CSGALNACT1: variants seen among roughly 807,000 people sequenced by gnomAD.
CSGALNACT1 encodes beta4GalNAcT-1.
Under a neutral mutation model 51.0 loss-of-function variants are expected in CSGALNACT1, and 52 were observed. The ratio of observed to expected loss-of-function variants is 1.02; its 90% CI spans 0.82 to 1.29. The LOEUF (loss-of-function observed/expected upper bound fraction) is 1.29. Among genes scored for constraint, CSGALNACT1 ranks in the 50% most tolerant of loss-of-function variants. CSGALNACT1 has a pLI of 0.00. For missense variants in CSGALNACT1, 935 were observed against 679.2 expected, an observed-to-expected ratio of 1.38 and a Z score of -4.19; for synonymous variants, 341 against 254.4, an observed-to-expected ratio of 1.34 and a Z score of -3.24.
chr8:19,440,939 G>A (rs1318741268), intron 5 of CSGALNACT1, among the ~76,000 whole-genome samples: 1 of 152,196 alleles, frequency 6.6e-6, no homozygotes, highest in Non-Finnish European at 1.5e-5. Flanking sequence ...CAAACAGAGA[G>A]CCCAATCATG....
At chr8:19,705,091 A>G (rs761655262) in intron 1 of CSGALNACT1, among the ~76,000 whole-genome samples, 1 of 151,996 alleles carries the variant, frequency 6.6e-6, no homozygotes, top group African/African-American at 2.4e-5. Flanking sequence ...TTGCACCACA[A>G]AAAGGTACTA....
At chr8:19,598,777 T>C (rs2049549048) in intron 2 of CSGALNACT1, among the ~76,000 whole-genome samples, 1 of 152,132 alleles carries the variant, frequency 6.6e-6, no homozygotes. Flanking sequence ...CAAACAATAA[T>C]GACAATGCAA....
At chr8:19,441,481 C>T (rs372250555) in intron 5 of CSGALNACT1, among the ~76,000 whole-genome samples, 18 of 151,902 alleles carry the variant, frequency 1.2e-4, no homozygotes, top group South Asian at 2.1e-4. Flanking sequence ...GGATTCCCTA[C>T]TTAATAAATG....
chr8:19,576,055 G>A (rs541933241), intron 3 of CSGALNACT1, among the ~76,000 whole-genome samples: 4 of 152,088 alleles, frequency 2.6e-5, no homozygotes, highest in South Asian at 4.2e-4. Context: ...GCCGAGAGAC[G>A]GGAGTGGGTG....
intron 4 of CSGALNACT1, among the ~76,000 whole-genome samples, chr8:19,490,334 C>T (rs2074079538): frequency 6.6e-6 from 1 of 152,044 alleles, no homozygotes; most frequent in South Asian, 2.1e-4. Flanking sequence ...AAGAGAGAGA[C>T]AGGTTTAAAA....
intron 5 of CSGALNACT1, among the ~76,000 whole-genome samples, chr8:19,450,509 C>G (rs189028370): frequency 3.9e-5 from 6 of 152,056 alleles, no homozygotes; most frequent in Admixed American, 2.6e-4. Context: ...AGAAACTTCA[C>G]GTGAAGCCTG....
chr8:19,538,065 C>A (rs1044980595), intron 3 of CSGALNACT1, among the ~76,000 whole-genome samples: 3 of 152,144 alleles, frequency 2.0e-5, no homozygotes, highest in Non-Finnish European at 4.4e-5. Context: ...TACCTCTAAT[C>A]CCAGTGTTTT....
At chr8:19,501,844 GACAA>G (rs1355554566) in intron 4 of CSGALNACT1, among the ~76,000 whole-genome samples, 4 of 152,168 alleles carry the variant, frequency 2.6e-5, no homozygotes, top group Non-Finnish European at 5.9e-5. Flanking sequence ...GTGTACTTGA[GACAA>G]ACAGTGAAGC....
Position 19,738,363 on chromosome 8 carries a change from AT to A in CSGALNACT1, c.-297+19486del, listed in dbSNP as rs201059144. 3.3e-4 allele frequency among the ~76,000 whole-genome samples: 51 copies of A among 152,368 alleles called. No individual in the cohort carries two copies. In the East Asian group the frequency reaches 7.3e-3, roughly 22 times the overall value. ...CCTTGAAGACATTACAGTAAGTGAA[AT>A]AAACCATTCACAAAAGGACAAATCA... On this transcript the variant is annotated intron_variant, in intron 1 of 1. Coordinates refer to the CSGALNACT1 transcript ENST00000517494.
chr8:19,532,171 TA>T lies in CSGALNACT1; in HGVS notation c.-296-26042del, dbSNP rs113232417. On this transcript the variant is annotated intron_variant, in intron 3 of 9. Transcript: ENST00000454498. ...CTCAACAAGTTTAGCTTTTGGAAAT[TA>T]AAAAAAAAAAACATGTTTGTTTGCA... is the stretch of plus-strand genomic sequence containing the variant. Among the ~76,000 whole-genome samples the T allele has an allele frequency of 7.1e-4, 105 of 147,740 alleles. 1 individual carries two copies. Among genetic ancestry groups the T allele is most frequent in the East Asian group, 1.8e-3 (9 of 5,030 alleles).
chr8:19,447,800 G>A (rs148054930), intron 5 of CSGALNACT1, among the ~76,000 whole-genome samples: 2 of 152,338 alleles, frequency 1.3e-5, no homozygotes, highest in African/African-American at 4.8e-5. Flanking sequence ...GGTGGGTCCT[G>A]TTCTCCAACC....
In CSGALNACT1 at chr8:19,610,134, A is replaced by G. The variant is rs147818509; in HGVS notation, c.-543-8269T>C. Among the ~76,000 whole-genome samples, 1,440 of 151,552 alleles carry G rather than the reference A, an allele frequency of 9.5e-3. 18 individuals carry two copies. Among genetic ancestry groups the G allele is most frequent in the African/African-American group, 0.033 (1,345 of 41,052 alleles). On this transcript the variant is annotated intron_variant, in intron 1 of 9. Transcript: ENST00000332246. ...CTAAAACCCCGTCTCTACTAAAAAT[A>G]CAAAAATTAGCCAGGCGTGGTTGCG...
At chr8:19,730,535 A>G (rs542795938) in intron 1 of CSGALNACT1, among the ~76,000 whole-genome samples, 1 of 152,324 alleles carries the variant, frequency 6.6e-6, no homozygotes, top group African/African-American at 2.4e-5. Context: ...AATGTACTTA[A>G]GGATAAGCAA....
rs1009092236 is a variant in CSGALNACT1 at position 19,625,629 on chromosome 8, TGACTCTATACTATAGCG to T, written c.-543-23781_-543-23765del. On this transcript the variant is annotated intron_variant, in intron 1 of 9. Transcript: ENST00000332246. The stretch of plus-strand genomic sequence containing the variant: ...CTGCAGTTTTAACAAGTTCCCAAGC[TGACTCTATACTATAGCG>T]GATCATGCTGTCTCTGCAACACAAC... 4.6e-5 allele frequency among the ~76,000 whole-genome samples: 7 copies of T among 152,318 alleles called. No individual in the cohort carries two copies. The East Asian group carries it at 9.6e-4, about 21-fold the overall frequency.
chr8:19,496,054 G>C (rs954618049), intron 4 of CSGALNACT1, among the ~76,000 whole-genome samples: 1 of 152,220 alleles, frequency 6.6e-6, no homozygotes, highest in African/African-American at 2.4e-5. Context: ...CAATGAGGAA[G>C]AGGGGGCTGA....
intron 3 of CSGALNACT1, among the ~76,000 whole-genome samples, chr8:19,514,484 T>TATATATATATATAC (rs2079098107): frequency 1.3e-5 from 1 of 79,864 alleles, no homozygotes; most frequent in African/African-American, 5.2e-5. Context: ...ACTATATATA[T>TATATATATATATAC]ATATATATAT....
chr8:19,570,203 T>C (rs2042717442), intron 3 of CSGALNACT1, among the ~76,000 whole-genome samples: 1 of 152,156 alleles, frequency 6.6e-6, no homozygotes, highest in South Asian at 2.1e-4. Flanking sequence ...TTTTTGTACT[T>C]TATGTAAGTT....
intron 4 of CSGALNACT1, among the ~76,000 whole-genome samples, chr8:19,495,729 C>T (rs954240180): frequency 1.3e-5 from 2 of 152,162 alleles, no homozygotes; most frequent in Admixed American, 6.5e-5. Context: ...GAATGTGTAG[C>T]CTCCTCAGGG....
intron 1 of CSGALNACT1, among the ~76,000 whole-genome samples, chr8:19,717,321 CAT>C (rs2062865266): frequency 1.3e-5 from 2 of 152,214 alleles, no homozygotes; most frequent in South Asian, 4.1e-4. Flanking sequence ...TCACCACTGA[CAT>C]AGCCTATGTA....
Sources: gnomAD v4.1 joint callset for allele counts (sites outside exome capture counted in the v4.1 genomes callset) on GRCh38, gnomAD v4.1.1 for gene constraint, MANE v1.5 for transcripts, NCBI Gene and HGNC (gene_info 2026-07-23, HGNC 2026-07-21) for gene names.